Variants in EIF2AK4 observed in about 807,000 individuals in gnomAD.
EIF2AK4 encodes eukaryotic translation initiation factor 2 alpha kinase 4.
In EIF2AK4, 139 loss-of-function variants were observed where a neutral mutation model predicts 211.1. That is an observed-to-expected ratio of 0.66 (90% CI 0.57 to 0.76). The LOEUF (loss-of-function observed/expected upper bound fraction) is 0.76. EIF2AK4 is among the 30% of genes least tolerant of loss of function. The probability of loss-of-function intolerance (pLI) is 0.00; values close to 1 mark genes in which losing one functional copy is unlikely to be tolerated. For missense variants in EIF2AK4, 1,664 were observed against 2,043.8 expected, an observed-to-expected ratio of 0.81 and a Z score of 3.58; for synonymous variants, 710 against 751.3, an observed-to-expected ratio of 0.94 and a Z score of 0.90.
chr15:39,965,666 A>G lies in EIF2AK4; in HGVS notation c.860-20A>G, dbSNP rs185817646. ...AAACATACCAGTGGGATTTAATTAC[A>G]CTTTCTGTTTAATGTGCAGGCAGTG... On this transcript the variant is annotated intron_variant, in intron 7 of 38. Transcript: ENST00000263791. 3 of 1,612,152 alleles carry G rather than the reference A, an allele frequency of 1.9e-6. No homozygotes were observed. Among genetic ancestry groups the G allele is most frequent in the East Asian group, 4.5e-5 (2 of 44,858 alleles).
At position 40,011,476 on chromosome 15, in the gene EIF2AK4, C is replaced by T. The variant is rs1024566161; in HGVS notation, c.3759+130C>T. 1.6e-5 allele frequency: 11 copies of T among 703,110 alleles called. No homozygotes were observed. The Admixed American group carries it at 2.8e-4, about 18-fold the overall frequency. 43.6% of individuals were successfully genotyped at this position (703,110 alleles called of 1,614,324 possible). A position where few individuals can be genotyped will look rare whatever the true frequency, so the allele number is the denominator to read the frequency against. ...ACCACCTCGCAGATGCAGTTTTTCC[C>T]TTGAGTGTTAGGTACCATGGCAACC... On this transcript the variant is annotated intron_variant, in intron 27 of 38. Transcript: ENST00000263791.
At position 40,003,309 on chromosome 15, in the gene EIF2AK4, C is replaced by CAG; in HGVS notation, c.3352_3353insAG (p.Leu1118GlnfsTer16). The stretch of plus-strand genomic sequence containing the variant: ...GATGCTGGTGATGCTTCCTTTTGAC[C>CAG]TGCGGGTGAGGCTGGGAACACACTG... On this transcript the variant is annotated frameshift_variant, in exon 23 of 39. Coordinates refer to ENST00000263791, the MANE Select transcript of EIF2AK4 (RefSeq NM_001013703.4). LOFTEE classifies it high-confidence loss of function. The CAG allele has an allele frequency of 6.2e-7, 1 of 1,614,094 alleles. No homozygotes were observed. Among genetic ancestry groups the CAG allele is most frequent in the Non-Finnish European group, 8.5e-7 (1 of 1,179,994 alleles).
chr15:40,003,234 A>G lies in EIF2AK4; in HGVS notation c.3277A>G (p.Arg1093Gly). 2.5e-6 allele frequency: 4 copies of G among 1,614,206 alleles called. No individual in the cohort carries two copies. Among genetic ancestry groups the G allele is most frequent in the Non-Finnish European group, 3.4e-6 (4 of 1,180,026 alleles). ...TACTCCACTACTGCTTCCCCGAAAC[A>G]GACAAATATATGAGCACAACGAAGC... Reference protein sequence around the residue: ...LCTPLLLPRNRQIYEHNEAAL... With the variant: ...LCTPLLLPRNGQIYEHNEAAL... The change falls in exon 23 of 39, where the codon AGA (arginine) becomes GGA (glycine). Residue 1093 changes from arginine (R) to glycine (G), a missense_variant. Physicochemically the swap from Arg to Gly is moderately radical, Grantham distance 125. Around this residue, in one of 7 missense-constraint regions of EIF2AK4, gnomAD observed 622 missense variants for 796.8 expected, o/e 0.78. Coordinates refer to ENST00000263791, the MANE Select transcript of EIF2AK4 (RefSeq NM_001013703.4).
At chr15:40,005,196 C>T (rs890233022) in intron 23 of EIF2AK4, among the ~76,000 whole-genome samples, 2 of 152,146 alleles carry the variant, frequency 1.3e-5, no homozygotes, top group East Asian at 3.8e-4. Context: ...ATTTTGGTAT[C>T]CTTGGGGGAG....
intron 13 of EIF2AK4, among the ~76,000 whole-genome samples, chr15:39,983,064 A>C (rs1355293855): frequency 6.6e-6 from 1 of 152,192 alleles, no homozygotes; most frequent in Non-Finnish European, 1.5e-5. Context: ...TATACCCAGT[A>C]ATGGGATGGC....
chr15:40,011,621 C>T (rs2035236694), intron 27 of EIF2AK4, among the ~76,000 whole-genome samples: 1 of 152,158 alleles, frequency 6.6e-6, no homozygotes, highest in Non-Finnish European at 1.5e-5. Context: ...TTCTTTGTCA[C>T]CCCTTATAGA....
At chr15:39,958,155 T>TC (rs1343208559) in intron 6 of EIF2AK4, among the ~76,000 whole-genome samples, 3 of 152,208 alleles carry the variant, frequency 2.0e-5, no homozygotes, top group Non-Finnish European at 2.9e-5. Context: ...GCAGACATAG[T>TC]CCCCCCAACC....
At chr15:40,014,815 A>G (rs761974491) in intron 27 of EIF2AK4, among the ~76,000 whole-genome samples, 6 of 152,160 alleles carry the variant, frequency 3.9e-5, no homozygotes, top group Non-Finnish European at 5.9e-5. Flanking sequence ...CTGAATTTTT[A>G]TGCTCTGTTT....
intron 4 of EIF2AK4, among the ~76,000 whole-genome samples, chr15:39,951,083 C>T (rs1040587142): frequency 6.6e-6 from 1 of 152,036 alleles, no homozygotes; most frequent in Admixed American, 6.5e-5. Flanking sequence ...ACCTTTTGAC[C>T]CCATAGGAAA....
intron 23 of EIF2AK4, among the ~76,000 whole-genome samples, chr15:40,005,720 C>G (rs367907301): frequency 4.0e-5 from 6 of 151,588 alleles, no homozygotes; most frequent in African/African-American, 1.4e-4. Context: ...TGTAGGTGCC[C>G]GCTACCATGC....
In EIF2AK4 at chr15:40,001,206, T is replaced by C. The variant is rs1354364260; in HGVS notation, c.3141T>C (p.Tyr1047=). The change falls in exon 21 of 39, where the codon TAT becomes TAC. Residue 1047 remains tyrosine, a synonymous_variant. Coordinates refer to ENST00000263791, the MANE Select transcript of EIF2AK4 (RefSeq NM_001013703.4). ...QRISPAIDYT[Y]DSDILKGNFS... is the part of the protein sequence containing the mutation. ...TCTCCCCTGCCATCGATTACACCTA[T>C]GACAGCGACATACTGAAGGTGGGCT... is the stretch of plus-strand genomic sequence containing the variant. 6.2e-7 allele frequency: 1 copy of C among 1,613,430 alleles called. No homozygotes were observed. Among genetic ancestry groups the C allele is most frequent in the South Asian group, 1.1e-5 (1 of 91,026 alleles).
At chr15:40,023,975 C>T (rs1420601948) in intron 32 of EIF2AK4, among the ~76,000 whole-genome samples, 1 of 152,156 alleles carries the variant, frequency 6.6e-6, no homozygotes, top group Admixed American at 6.5e-5. Context: ...CAACAACAAA[C>T]AAAGGAGAGT....
At chr15:40,006,590 G>A (rs569527632) in intron 23 of EIF2AK4, among the ~76,000 whole-genome samples, 82 of 152,276 alleles carry the variant, frequency 5.4e-4, no homozygotes, top group Non-Finnish European at 9.0e-4. Context: ...TATTCTAAGA[G>A]ATTGATAGGA....
At chr15:39,995,007 A>G (rs952094366) in intron 18 of EIF2AK4, among the ~76,000 whole-genome samples, 2 of 151,938 alleles carry the variant, frequency 1.3e-5, no homozygotes, top group Non-Finnish European at 2.9e-5. Flanking sequence ...ATGCCTGGCT[A>G]ATTTTTGTAT....
intron 18 of EIF2AK4, 40 bp downstream of exon 18, chr15:39,992,888 G>T (rs180798450): frequency 6.3e-7 from 1 of 1,583,396 alleles, no homozygotes. Flanking sequence ...CAAAATTAAG[G>T]TAATAGGACA....
chr15:40,016,743 TC>T, intron 28 of EIF2AK4, 71 bp downstream of exon 28: 1 of 1,521,928 alleles, frequency 6.6e-7, no homozygotes, highest in Non-Finnish European at 8.9e-7. Context: ...GAAATGTGTT[TC>T]ATTTCACTAA....
chr15:39,946,829 A>G (rs2140900759), intron 3 of EIF2AK4: 2 of 593,100 alleles, frequency 3.4e-6, no homozygotes, highest in Middle Eastern at 4.4e-4. Flanking sequence ...CAAAAAGATT[A>G]TGACGTCCTG....
chr15:39,989,057 G>A (rs2034906740), intron 15 of EIF2AK4, among the ~76,000 whole-genome samples: 1 of 152,142 alleles, frequency 6.6e-6, no homozygotes, highest in Non-Finnish European at 1.5e-5. Flanking sequence ...CAAGTTACTT[G>A]ATTCTAACTG....
intron 13 of EIF2AK4, among the ~76,000 whole-genome samples, chr15:39,984,560 T>A (rs971021957): frequency 6.6e-6 from 1 of 152,220 alleles, no homozygotes; most frequent in African/African-American, 2.4e-5. Context: ...CTTGAAGAGG[T>A]CCTTCACATC....
Sources: allele counts gnomAD v4.1 joint callset (sites outside exome capture counted in the v4.1 genomes callset), GRCh38; gene constraint gnomAD v4.1.1; regional missense constraint gnomAD v4.1.1; transcripts MANE v1.5; gene names NCBI Gene and HGNC (gene_info 2026-07-23, HGNC 2026-07-21).